Variants in CDH13 observed in about 807,000 individuals in gnomAD.
The protein encoded by CDH13 is cadherin 13, also known as cadherin-13.
CDH13 carries 24 observed loss-of-function variants against 63.8 expected under a neutral mutation model. The observed-to-expected ratio is 0.38, with a 90% confidence interval of 0.27 to 0.53. The LOEUF is 0.53. Ranked by LOEUF, CDH13 falls within the 20% of genes least tolerant of loss-of-function variation. The pLI is 0.85. For missense variants in CDH13, 1,049 were observed against 903.1 expected, an observed-to-expected ratio of 1.16 and a Z score of -2.07; for synonymous variants, 503 against 355.3, an observed-to-expected ratio of 1.42 and a Z score of -4.67.
chr16:83,256,290 C>T (rs113365104), intron 5 of CDH13, among the ~76,000 whole-genome samples: 9,251 of 152,132 alleles, frequency 0.061, 917 homozygotes, highest in African/African-American at 0.2. Flanking sequence ...ACCTCAGCCT[C>T]CCAAAGTGCT....
intron 1 of CDH13, among the ~76,000 whole-genome samples, chr16:82,789,440 G>A (rs1485568183): frequency 2.0e-5 from 3 of 152,192 alleles, no homozygotes; most frequent in Non-Finnish European, 4.4e-5. Context: ...ATCACATCAA[G>A]GCGATGACAA....
At chr16:83,035,486 G>A (rs1397665026) in intron 3 of CDH13, among the ~76,000 whole-genome samples, 2 of 152,184 alleles carry the variant, frequency 1.3e-5, no homozygotes, top group Non-Finnish European at 2.9e-5. Flanking sequence ...ACTGTGTTCT[G>A]CCTCATAGTG....
intron 10 of CDH13, among the ~76,000 whole-genome samples, chr16:83,682,094 T>A (rs1337118049): frequency 2.0e-5 from 3 of 152,244 alleles, no homozygotes; most frequent in Admixed American, 2.0e-4. Flanking sequence ...CTTCTTAGTT[T>A]AAAAGAATTT....
chr16:83,074,536 C>T (rs560023351), intron 3 of CDH13, among the ~76,000 whole-genome samples: 56 of 152,226 alleles, frequency 3.7e-4, no homozygotes, highest in South Asian at 1.5e-3. Context: ...CTGGATCATA[C>T]GGTAGTTCTA....
chr16:83,796,879 A>T lies in CDH13; in HGVS notation c.*1849A>T, dbSNP rs1015905941. ...CCATTCTCAGTTGATGACCACATTA[A>T]GCATAGTCATGGCCATCTGTCAACA... On this transcript the variant is annotated 3_prime_UTR_variant, in exon 14 of 14. Transcript: ENST00000567109. 6.6e-6 allele frequency: 1 copy of T among 152,244 alleles called. No homozygotes were observed. Among genetic ancestry groups the T allele is most frequent in the African/African-American group, 2.4e-5 (1 of 41,464 alleles). The allele number at this position is 152,244 out of a possible 1,614,324, so 9.4% of individuals were successfully genotyped here.
rs561082870 is a variant in CDH13, at chr16:83,677,305, G to T, written c.1285-903G>T. ...TTTAGTCCACACAGTGGCTGGGGGA[G>T]GTAGATACTATCAGCCCCCTTTGCA... On this transcript the variant is annotated intron_variant, in intron 9 of 13. Coordinates refer to ENST00000567109, the MANE Select transcript of CDH13 (RefSeq NM_001257.5). 2.6e-5 allele frequency among the ~76,000 whole-genome samples: 4 copies of T among 152,288 alleles called. No individual in the cohort carries two copies. The South Asian group carries it at 8.3e-4, about 32-fold the overall frequency.
chr16:83,023,313 A>T (rs1915515363), intron 2 of CDH13, among the ~76,000 whole-genome samples: 1 of 146,326 alleles, frequency 6.8e-6, no homozygotes, highest in African/African-American at 2.6e-5. Context: ...CCCCGACTCC[A>T]CCCCGCCCTC....
At chr16:83,650,284 A>T (rs188207892) in intron 8 of CDH13, among the ~76,000 whole-genome samples, 1 of 152,342 alleles carries the variant, frequency 6.6e-6, no homozygotes, top group African/African-American at 2.4e-5. Flanking sequence ...ATTGTAGGGT[A>T]ATGAAAACTA....
intron 2 of CDH13, among the ~76,000 whole-genome samples, chr16:82,910,245 C>G (rs947458056): frequency 6.6e-6 from 1 of 152,182 alleles, no homozygotes; most frequent in Non-Finnish European, 1.5e-5. Flanking sequence ...TTTGGAACTA[C>G]TTGTCATCAC....
intron 3 of CDH13, among the ~76,000 whole-genome samples, chr16:83,060,341 TC>T (rs1393822683): frequency 6.6e-6 from 1 of 152,202 alleles, no homozygotes; most frequent in Admixed American, 6.5e-5. Context: ...AGGTCTCCAT[TC>T]TTAAAAATCC....
intron 6 of CDH13, chr16:83,396,614 A>G (rs975528040): frequency 1.3e-5 from 2 of 151,660 alleles, no homozygotes; most frequent in Non-Finnish European, 2.9e-5. Flanking sequence ...TCTCATCCTC[A>G]CCCACCAGCA....
At chr16:82,858,074 C>T (rs1260239542) in intron 1 of CDH13, among the ~76,000 whole-genome samples, 1 of 152,176 alleles carries the variant, frequency 6.6e-6, no homozygotes, top group Non-Finnish European at 1.5e-5. Context: ...AATAAAATTT[C>T]ACACATGGAA....
chr16:83,270,178 A>T (rs1342851784), intron 5 of CDH13, among the ~76,000 whole-genome samples: 4 of 152,198 alleles, frequency 2.6e-5, no homozygotes, highest in Admixed American at 1.3e-4. Flanking sequence ...AATCTATTGA[A>T]ATAAGCCCAA....
At chr16:83,679,613 G>A (rs1915239637) in intron 10 of CDH13, among the ~76,000 whole-genome samples, 1 of 152,178 alleles carries the variant, frequency 6.6e-6, no homozygotes, top group Non-Finnish European at 1.5e-5. Context: ...ATGTGAATCT[G>A]AAATAGCCAT....
At chr16:83,074,904 G>A (rs563069279) in intron 3 of CDH13, among the ~76,000 whole-genome samples, 1 of 152,338 alleles carries the variant, frequency 6.6e-6, no homozygotes, top group African/African-American at 2.4e-5. Flanking sequence ...AAGAGACCCT[G>A]TTGGTGTCCA....
At chr16:82,979,781 CT>C (rs931694141) in intron 2 of CDH13, among the ~76,000 whole-genome samples, 18 of 152,196 alleles carry the variant, frequency 1.2e-4, no homozygotes, top group African/African-American at 3.9e-4. Context: ...TCCTGCCTTG[CT>C]TTTTTGAAAG....
rs181809759 is a variant in CDH13, at chr16:83,356,687, C to A, written c.781+11681C>A. Among the ~76,000 whole-genome samples, 142 of 152,186 alleles carry A rather than the reference C, an allele frequency of 9.3e-4. No homozygotes were observed. In the Middle Eastern group the frequency reaches 0.01, roughly 11 times the overall value. The stretch of plus-strand genomic sequence containing the variant: ...ATAATTTATGTATAGAATCACCTCC[C>A]TTCTTAACCAAATGGAAGAGATTCA... On this transcript the variant is annotated intron_variant, in intron 6 of 13. Coordinates refer to ENST00000567109, the MANE Select transcript of CDH13 (RefSeq NM_001257.5).
intron 1 of CDH13, among the ~76,000 whole-genome samples, chr16:82,763,055 A>G (rs1434888851): frequency 6.6e-6 from 1 of 152,184 alleles, no homozygotes; most frequent in East Asian, 1.9e-4. Context: ...GATTTTATAT[A>G]AGCATGTGAG....
intron 2 of CDH13, among the ~76,000 whole-genome samples, chr16:82,921,057 C>T (rs1360179731): frequency 6.6e-6 from 1 of 152,054 alleles, no homozygotes; most frequent in Non-Finnish European, 1.5e-5. Context: ...AATATTAAAC[C>T]AACCTTGCAT....
Sources: allele counts gnomAD v4.1 joint callset (sites outside exome capture counted in the v4.1 genomes callset), GRCh38; gene constraint gnomAD v4.1.1; transcripts MANE v1.5; gene names NCBI Gene and HGNC (gene_info 2026-07-23, HGNC 2026-07-21).